Variants in SGMS1 observed in about 807,000 individuals in gnomAD.
SGMS1 encodes sphingomyelin synthase 1.
A neutral mutation model predicts 46.2 loss-of-function variants in SGMS1; 13 were observed. That is an observed-to-expected ratio of 0.28 (90% confidence interval 0.18 to 0.45). The LOEUF is 0.45. Ranked by LOEUF, SGMS1 falls within the 20% of genes least tolerant of loss-of-function variation. The pLI is 1.00. For synonymous variants in SGMS1, 203 were observed against 187.8 expected (o/e 1.08, Z -0.66); for missense variants, 324 against 519.9 (o/e 0.62, Z 3.66).
chr10:50,363,715 T>G (rs187290358), intron 6 of SGMS1, among the ~76,000 whole-genome samples: 2 of 152,202 alleles, frequency 1.3e-5, no homozygotes, highest in East Asian at 3.9e-4. Context: ...ATCAGATGAA[T>G]TTTTTTCTAG....
chr10:50,511,467 C>G (rs1837754795), intron 3 of SGMS1, among the ~76,000 whole-genome samples: 1 of 152,126 alleles, frequency 6.6e-6, no homozygotes, highest in South Asian at 2.1e-4. Flanking sequence ...CAGAAACCAA[C>G]AAGTTCTTAA....
chr10:50,382,135 G>C (rs1304389623), intron 6 of SGMS1, among the ~76,000 whole-genome samples: 1 of 152,106 alleles, frequency 6.6e-6, no homozygotes, highest in Non-Finnish European at 1.5e-5. Flanking sequence ...TTACATGGTA[G>C]TAACCTTAGA....
At chr10:50,405,520 G>A (rs1489048262) in intron 6 of SGMS1, among the ~76,000 whole-genome samples, 1 of 152,152 alleles carries the variant, frequency 6.6e-6, no homozygotes, top group African/African-American at 2.4e-5. Context: ...AAAATTAGCA[G>A]TTTACAGTTG....
intron 1 of SGMS1, among the ~76,000 whole-genome samples, chr10:50,591,691 A>G (rs1443427428): frequency 6.6e-6 from 1 of 152,202 alleles, no homozygotes; most frequent in Non-Finnish European, 1.5e-5. Flanking sequence ...ACCTCTCCAT[A>G]ATGAAAGGCA....
chr10:50,525,262 T>C (rs1837890828), intron 2 of SGMS1, among the ~76,000 whole-genome samples: 2 of 152,162 alleles, frequency 1.3e-5, no homozygotes, highest in African/African-American at 2.4e-5. Context: ...GATTAGTGAA[T>C]AGGAAAAATT....
At chr10:50,344,923 T>C (rs1218574414) in intron 6 of SGMS1, among the ~76,000 whole-genome samples, 1 of 152,072 alleles carries the variant, frequency 6.6e-6, no homozygotes, top group Non-Finnish European at 1.5e-5. Flanking sequence ...AGAAGCAACT[T>C]GACAGTGCTT....
chr10:50,389,835 T>C (rs968211490), intron 6 of SGMS1, among the ~76,000 whole-genome samples: 4 of 152,334 alleles, frequency 2.6e-5, no homozygotes, highest in South Asian at 4.1e-4. Flanking sequence ...ATAAATAAAC[T>C]GTTCCTAAGC....
At chr10:50,374,790 G>C (rs1267738446) in intron 6 of SGMS1, among the ~76,000 whole-genome samples, 1 of 151,998 alleles carries the variant, frequency 6.6e-6, no homozygotes, top group Non-Finnish European at 1.5e-5. Flanking sequence ...TGCTCTACCT[G>C]AGTCTTTGCA....
At chr10:50,543,532 C>T (rs1193492376) in intron 2 of SGMS1, among the ~76,000 whole-genome samples, 1 of 152,220 alleles carries the variant, frequency 6.6e-6, no homozygotes, top group Non-Finnish European at 1.5e-5. Context: ...TCTGTAGGAA[C>T]TGGGGCCTGC....
At chr10:50,622,291 A>G (rs1233791906) in intron 1 of SGMS1, among the ~76,000 whole-genome samples, 1 of 152,086 alleles carries the variant, frequency 6.6e-6, no homozygotes, top group African/African-American at 2.4e-5. Context: ...TGCACAGGCC[A>G]AAACAGCCGC....
intron 6 of SGMS1, among the ~76,000 whole-genome samples, chr10:50,423,330 C>T (rs1849279724): frequency 1.3e-5 from 2 of 152,160 alleles, no homozygotes. Context: ...AGAGACAATT[C>T]CTCCTTTCAC....
At chr10:50,494,759 G>A (rs998087719) in intron 3 of SGMS1, among the ~76,000 whole-genome samples, 1 of 152,084 alleles carries the variant, frequency 6.6e-6, no homozygotes, top group Non-Finnish European at 1.5e-5. Flanking sequence ...GAAAAAGGCC[G>A]GGCGCGGTGG....
At position 50,496,044 on chromosome 10, in the gene SGMS1, TTCCTTTATACTGAA is replaced by T. The variant is rs199636733; in HGVS notation, c.-498+23773_-498+23786del. Among the ~76,000 whole-genome samples, 789 of 152,332 alleles carry T rather than the reference TTCCTTTATACTGAA, an allele frequency of 5.2e-3. 5 individuals are homozygous for T. The highest frequency in any genetic ancestry group is 5.2e-3 in the Non-Finnish European group (353 of 68,030). On this transcript the variant is annotated intron_variant, in intron 3 of 10. Coordinates refer to ENST00000361781, the MANE Select transcript of SGMS1 (RefSeq NM_147156.4). ...AGCAGACACTCCATACCTGTCGGTT[TTCCTTTATACTGAA>T]TCCAGTGTGTTACATGATAAGCATG...
chr10:50,483,423 A>T (rs1837494194), intron 3 of SGMS1, among the ~76,000 whole-genome samples: 1 of 152,072 alleles, frequency 6.6e-6, no homozygotes. Flanking sequence ...AGAGACTTAG[A>T]CTCCCTCATG....
At chr10:50,556,206 C>A (rs1838188220) in intron 2 of SGMS1, among the ~76,000 whole-genome samples, 2 of 152,194 alleles carry the variant, frequency 1.3e-5, no homozygotes, top group African/African-American at 4.8e-5. Flanking sequence ...GTAAGAGTAA[C>A]CTCATTCATT....
At chr10:50,451,517 C>T (rs551664365) in intron 5 of SGMS1, among the ~76,000 whole-genome samples, 33 of 152,230 alleles carry the variant, frequency 2.2e-4, no homozygotes, top group African/African-American at 7.9e-4. Flanking sequence ...CAGCTTAAGT[C>T]ACACAAAATA....
chr10:50,327,630 C>T lies in SGMS1; in HGVS notation c.624-308G>A, dbSNP rs151029807. Among the ~76,000 whole-genome samples, 407 of 152,258 alleles carry T rather than the reference C, an allele frequency of 2.7e-3. 2 individuals carry two copies. Among genetic ancestry groups the T allele is most frequent in the African/African-American group, 8.7e-3 (362 of 41,534 alleles). Reference sequence around the variant, plus strand: ...CTGTCGGACATACAAGTGGAGCCCACGCTGATTGGCCAGAACCCACTCAGT... The same window carrying T: ...CTGTCGGACATACAAGTGGAGCCCATGCTGATTGGCCAGAACCCACTCAGT... On this transcript the variant is annotated intron_variant, in intron 7 of 10. Transcript: ENST00000361781.
intron 6 of SGMS1, among the ~76,000 whole-genome samples, chr10:50,374,270 T>C (rs1848489787): frequency 6.6e-6 from 1 of 152,152 alleles, no homozygotes; most frequent in African/African-American, 2.4e-5. Flanking sequence ...CCTAACTAGG[T>C]TAAAACGTCC....
chr10:50,446,931 T>C (rs546138324), intron 5 of SGMS1, among the ~76,000 whole-genome samples: 2 of 152,342 alleles, frequency 1.3e-5, no homozygotes, highest in African/African-American at 4.8e-5. Flanking sequence ...GTTTCTTTCT[T>C]ATCTTGGGGA....
Sources: gnomAD v4.1 joint callset for allele counts (sites outside exome capture counted in the v4.1 genomes callset) on GRCh38, gnomAD v4.1.1 for gene constraint, MANE v1.5 for transcripts, NCBI Gene and HGNC (gene_info 2026-07-23, HGNC 2026-07-21) for gene names.